The following PEBP1 variants were observed in gnomAD, a reference collection of about 807,000 sequenced individuals.
The protein encoded by PEBP1 is phosphatidylethanolamine-binding protein 1.
Under a neutral mutation model 22.7 loss-of-function variants are expected in PEBP1, and 17 were observed. The ratio of observed to expected loss-of-function variants is 0.75; its 90% CI spans 0.51 to 1.12. PEBP1 has a LOEUF of 1.12. Among genes scored for constraint, PEBP1 ranks in the 50% most tolerant of loss-of-function variants. The pLI is 0.00. For synonymous variants in PEBP1, 106 were observed against 104.3 expected (o/e 1.02, Z -0.10); for missense variants, 205 against 243.5 (o/e 0.84, Z 1.05).
chr12:118,139,000 G>A (rs1406317205), intron 2 of PEBP1: 10 of 169,388 alleles, frequency 5.9e-5, no homozygotes, highest in Non-Finnish European at 1.0e-4. Context: ...AAACACATGA[G>A]GTTCGTGCTG....
At chr12:118,140,340 T>C (rs993070504) in intron 3 of PEBP1, among the ~76,000 whole-genome samples, 2 of 152,176 alleles carry the variant, frequency 1.3e-5, no homozygotes, top group African/African-American at 2.4e-5. Context: ...ACATGGACAG[T>C]TGGTCATGGG....
At chr12:118,144,143 T>G (rs890687446) in intron 3 of PEBP1, among the ~76,000 whole-genome samples, 1 of 152,064 alleles carries the variant, frequency 6.6e-6, no homozygotes, top group Non-Finnish European at 1.5e-5. Flanking sequence ...GCTTTGTCCT[T>G]AATTGGTTGC....
chr12:118,144,247 G>A (rs570096238), intron 3 of PEBP1, among the ~76,000 whole-genome samples: 11 of 152,106 alleles, frequency 7.2e-5, no homozygotes, highest in African/African-American at 2.4e-4. Flanking sequence ...TGAATGAAGA[G>A]CACAGAGGCT....
In PEBP1 at chr12:118,136,774, A is replaced by G. The variant is rs1056035984; in HGVS notation, c.135+430A>G. On this transcript the variant is annotated intron_variant, in intron 1 of 3. Transcript: ENST00000261313. The surrounding 1 kb of genome is among the most constrained non-coding windows in gnomAD (Gnocchi z 5.6). ...CCTGGTTTTGGAGGGCTGAAGCCTC[A>G]CCCGAGAGCCTGTGACGCATTATGT... Among the ~76,000 whole-genome samples the G allele has an allele frequency of 6.6e-6, 1 of 152,060 alleles. No individual in the cohort carries two copies. The highest frequency in any genetic ancestry group is 2.4e-5 in the African/African-American group (1 of 41,414).
Sources: gnomAD v4.1 joint callset for allele counts (sites outside exome capture counted in the v4.1 genomes callset) on GRCh38, gnomAD v4.1.1 for gene constraint, Gnocchi (gnomAD v3.1) non-coding constraint, MANE v1.5 for transcripts, NCBI Gene and HGNC (gene_info 2026-07-23, HGNC 2026-07-21) for gene names.